Variants in SMYD3 observed in about 807,000 individuals in gnomAD.
SMYD3 encodes SET and MYND domain containing 3.
SMYD3 carries 36 observed loss-of-function variants against 57.7 expected under a neutral mutation model. The ratio of observed to expected loss-of-function variants is 0.62; its 90% CI spans 0.48 to 0.82. The LOEUF is 0.82. Among genes scored for constraint, SMYD3 ranks in the 40% least tolerant of loss-of-function variants. The pLI is 0.00. For synonymous variants in SMYD3, 211 were observed against 195.0 expected, an observed-to-expected ratio of 1.08 and a Z score of -0.68; for missense variants, 515 against 538.8, an observed-to-expected ratio of 0.96 and a Z score of 0.44.
chr1:246,432,724 C>A (rs1450029494), intron 1 of SMYD3, among the ~76,000 whole-genome samples: 1 of 152,156 alleles, frequency 6.6e-6, no homozygotes, highest in Non-Finnish European at 1.5e-5. Context: ...CTAAAGGCAG[C>A]CTTCTATTTT....
chr1:246,345,417 A>T (rs2065697977), intron 2 of SMYD3, among the ~76,000 whole-genome samples: 1 of 152,142 alleles, frequency 6.6e-6, no homozygotes, highest in African/African-American at 2.4e-5. Context: ...CAGGTTGAGT[A>T]TGCCTTATTT....
intron 10 of SMYD3, among the ~76,000 whole-genome samples, chr1:245,784,997 G>A (rs2046979016): frequency 6.6e-6 from 1 of 151,724 alleles, no homozygotes; most frequent in South Asian, 2.1e-4. Context: ...TTACAGGCAT[G>A]TACCATCGTG....
At chr1:245,985,273 C>T (rs2058680172) in intron 5 of SMYD3, among the ~76,000 whole-genome samples, 1 of 152,164 alleles carries the variant, frequency 6.6e-6, no homozygotes, top group African/African-American at 2.4e-5. Flanking sequence ...TGTCTTTCAC[C>T]TATAATCTAT....
intron 11 of SMYD3, among the ~76,000 whole-genome samples, chr1:245,752,427 G>A (rs1488051898): frequency 1.3e-5 from 2 of 152,170 alleles, no homozygotes; most frequent in African/African-American, 4.8e-5. Flanking sequence ...TTCCCCATCT[G>A]AAGAATGATC....
rs1231799914 is a variant in SMYD3, at chr1:245,929,872, G to A, written c.597C>T (p.Pro199=). The change falls in exon 6 of 12, where the codon CCC becomes CCT. Residue 199 remains proline, a splice_region_variant and synonymous_variant. Transcript: ENST00000490107. The stretch of plus-strand genomic sequence containing the variant: ...ACATGAAGTACCATACACCATACCT[G>A]GGATATAGGCCAACACCAACTTCCT... ...EMQEVGVGLY[P]SISLLNHSCD... is the part of the protein sequence containing the mutation. 3 of 1,611,676 alleles carry A rather than the reference G, an allele frequency of 1.9e-6. No individual in the cohort carries two copies. Among genetic ancestry groups the A allele is most frequent in the Non-Finnish European group, 2.5e-6 (3 of 1,177,918 alleles).
intron 10 of SMYD3, among the ~76,000 whole-genome samples, chr1:245,845,209 T>C (rs2050604585): frequency 6.6e-6 from 1 of 152,220 alleles, no homozygotes; most frequent in African/African-American, 2.4e-5. Context: ...CTTTGAGGCA[T>C]ATACCCCACT....
intron 2 of SMYD3, among the ~76,000 whole-genome samples, chr1:246,354,579 A>G (rs2065880959): frequency 6.6e-6 from 1 of 151,190 alleles, no homozygotes; most frequent in Non-Finnish European, 1.5e-5. Flanking sequence ...GGGATACAAA[A>G]TGTTCCCCAA....
intron 5 of SMYD3, among the ~76,000 whole-genome samples, chr1:246,056,715 T>C (rs751594541): frequency 5.5e-5 from 8 of 144,692 alleles, no homozygotes; most frequent in Non-Finnish European, 1.2e-4. Flanking sequence ...TCATTATGCA[T>C]TATATACATG....
At chr1:246,217,731 A>T (rs2063187354) in intron 5 of SMYD3, among the ~76,000 whole-genome samples, 1 of 152,218 alleles carries the variant, frequency 6.6e-6, no homozygotes, top group Non-Finnish European at 1.5e-5. Flanking sequence ...TAGGAAAAAA[A>T]ATACCATCTA....
intron 8 of SMYD3, among the ~76,000 whole-genome samples, chr1:245,867,320 G>A (rs888198541): frequency 1.3e-5 from 2 of 152,198 alleles, no homozygotes; most frequent in African/African-American, 4.8e-5. Flanking sequence ...TGAGACTTGG[G>A]TCAGGCTTCT....
intron 1 of SMYD3, among the ~76,000 whole-genome samples, chr1:246,366,774 T>C (rs1346247540): frequency 6.6e-6 from 1 of 151,528 alleles, no homozygotes; most frequent in African/African-American, 2.4e-5. Context: ...CTACTAAATA[T>C]ACAAAAATTA....
At chr1:246,033,537 G>A (rs1000437951) in intron 5 of SMYD3, among the ~76,000 whole-genome samples, 4 of 152,176 alleles carry the variant, frequency 2.6e-5, no homozygotes, top group African/African-American at 9.6e-5. Context: ...TGTAATCCCA[G>A]CACTTTGGGA....
At chr1:246,303,383 C>G (rs1274815790) in intron 5 of SMYD3, among the ~76,000 whole-genome samples, 1 of 152,126 alleles carries the variant, frequency 6.6e-6, no homozygotes, top group Admixed American at 6.5e-5. Flanking sequence ...CTCTAGCACC[C>G]CTGTGGATAC....
intron 5 of SMYD3, among the ~76,000 whole-genome samples, chr1:246,323,224 G>A (rs1455586792): frequency 6.6e-6 from 1 of 152,170 alleles, no homozygotes; most frequent in Admixed American, 6.5e-5. Flanking sequence ...TATCTATATA[G>A]AAAACTCCAC....
chr1:245,853,796 C>T (rs1332324627), intron 10 of SMYD3, among the ~76,000 whole-genome samples: 1 of 152,202 alleles, frequency 6.6e-6, no homozygotes, highest in Non-Finnish European at 1.5e-5. Flanking sequence ...CTCTCAGTTA[C>T]AAACCCCTGA....
rs114466898 is a variant in SMYD3, at chr1:246,154,251, T to C, written c.531+172950A>G. ...GCTCTGCTTCTATCGCTACTAACTATGGAAAAAGTTAACATTTCTCTTACT... is the reference window on the plus strand; with the variant it reads ...GCTCTGCTTCTATCGCTACTAACTACGGAAAAAGTTAACATTTCTCTTACT... On this transcript the variant is annotated intron_variant, in intron 5 of 11. Transcript: ENST00000490107. 7.5e-3 allele frequency among the ~76,000 whole-genome samples: 1,135 copies of C among 152,310 alleles called. 13 individuals carry two copies. Among genetic ancestry groups the C allele is most frequent in the African/African-American group, 0.026 (1,064 of 41,554 alleles).
intron 5 of SMYD3, among the ~76,000 whole-genome samples, chr1:246,315,080 T>C (rs2065135417): frequency 6.6e-6 from 1 of 152,120 alleles, no homozygotes; most frequent in Non-Finnish European, 1.5e-5. Context: ...TCCCCCTCTC[T>C]AAGCCACAAC....
chr1:246,152,770 C>CA (rs1407400636), intron 5 of SMYD3, among the ~76,000 whole-genome samples: 1 of 152,178 alleles, frequency 6.6e-6, no homozygotes, highest in African/African-American at 2.4e-5. Context: ...TTTTCAAAGA[C>CA]AGAGTCTCAT....
At chr1:246,456,304 T>C (rs1461250080) in intron 1 of SMYD3, among the ~76,000 whole-genome samples, 1 of 152,240 alleles carries the variant, frequency 6.6e-6, no homozygotes, top group African/African-American at 2.4e-5. Flanking sequence ...CATACCAAAC[T>C]GTGTCCCTGT....
Sources: gnomAD v4.1 joint callset for allele counts (sites outside exome capture counted in the v4.1 genomes callset) on GRCh38, gnomAD v4.1.1 for gene constraint, MANE v1.5 for transcripts, NCBI Gene and HGNC (gene_info 2026-07-23, HGNC 2026-07-21) for gene names.